Variants in SPMIP2 observed in about 807,000 individuals in gnomAD.
SPMIP2 encodes the protein protein SPMIP2.
the SPMIP2 span, among the ~76,000 whole-genome samples, chr4:158,959,406 C>T: frequency 4.0e-5 from 6 of 150,818 alleles, no homozygotes; most frequent in Admixed American, 1.3e-4. Flanking sequence ...AAATATGGTA[C>T]GTGTTTAATA....
At chr4:159,071,152 G>A in the SPMIP2 span, among the ~76,000 whole-genome samples, 1 of 152,220 alleles carries the variant, frequency 6.6e-6, no homozygotes, top group Non-Finnish European at 1.5e-5. Flanking sequence ...AAAATTATTA[G>A]TGGCTGCTAA....
chr4:159,054,964 TC>T, the SPMIP2 span, among the ~76,000 whole-genome samples: 1 of 152,032 alleles, frequency 6.6e-6, no homozygotes, highest in South Asian at 2.1e-4. Flanking sequence ...TTTAACTTAT[TC>T]CCCCCATCTG....
At chr4:158,957,217 C>G in the SPMIP2 span, among the ~76,000 whole-genome samples, 1 of 152,146 alleles carries the variant, frequency 6.6e-6, no homozygotes, top group African/African-American at 2.4e-5. Context: ...TATTTTAAAT[C>G]TTCTAATGAA....
chr4:158,902,637 A>C, the SPMIP2 span, among the ~76,000 whole-genome samples: 1 of 152,134 alleles, frequency 6.6e-6, no homozygotes, highest in Admixed American at 6.5e-5. Context: ...TTTTATCTAT[A>C]AACCCCTAAC....
chr4:159,074,708 G>A, the SPMIP2 span, among the ~76,000 whole-genome samples: 1 of 152,156 alleles, frequency 6.6e-6, no homozygotes, highest in Non-Finnish European at 1.5e-5. Flanking sequence ...AACAGAAGCA[G>A]GAGGTTGACC....
the SPMIP2 span, among the ~76,000 whole-genome samples, chr4:158,933,283 G>A: frequency 1.3e-5 from 2 of 152,126 alleles, no homozygotes; most frequent in Non-Finnish European, 2.9e-5. Flanking sequence ...ATGTGAAAAC[G>A]TGCCTCCAGT....
chr4:158,902,548 G>A, the SPMIP2 span, among the ~76,000 whole-genome samples: 1 of 151,898 alleles, frequency 6.6e-6, no homozygotes, highest in South Asian at 2.1e-4. Context: ...AGAGTTATCA[G>A]GCAGGGATGT....
At chr4:159,054,298 T>A in the SPMIP2 span, among the ~76,000 whole-genome samples, 1 of 152,152 alleles carries the variant, frequency 6.6e-6, no homozygotes, top group Non-Finnish European at 1.5e-5. Context: ...CCCAGACTAT[T>A]TCAGCAATTT....
At chr4:159,042,791 T>C in the SPMIP2 span, among the ~76,000 whole-genome samples, 2 of 152,048 alleles carry the variant, frequency 1.3e-5, no homozygotes, top group African/African-American at 4.8e-5. Flanking sequence ...GCCTCCCGAG[T>C]AGCTGGGACT....
At chr4:158,993,482 T>A in the SPMIP2 span, among the ~76,000 whole-genome samples, 3 of 152,256 alleles carry the variant, frequency 2.0e-5, no homozygotes, top group African/African-American at 4.8e-5. Context: ...TCTGTGCAGT[T>A]TTTTTTTAAA....
At chr4:159,007,131 G>A in the SPMIP2 span, 20 of 667,662 alleles carry the variant, frequency 3.0e-5, no homozygotes, top group Admixed American at 1.1e-4. Flanking sequence ...TGGCCAAGCC[G>A]TGTGGGGTGC....
At chr4:159,078,575 G>A in the SPMIP2 span, among the ~76,000 whole-genome samples, 1 of 152,330 alleles carries the variant, frequency 6.6e-6, no homozygotes, top group East Asian at 1.9e-4. Flanking sequence ...AAATTTGAGA[G>A]AACCTTCCAA....
the SPMIP2 span, among the ~76,000 whole-genome samples, chr4:159,048,793 T>A: frequency 6.7e-6 from 1 of 148,880 alleles, no homozygotes; most frequent in African/African-American, 2.5e-5. Flanking sequence ...GGACTCTAAC[T>A]TCTAGGCTCA....
chr4:159,004,395 A>G, the SPMIP2 span, among the ~76,000 whole-genome samples: 98,676 of 149,016 alleles, frequency 0.66, 32,742 homozygotes, highest in Middle Eastern at 0.72. Context: ...GGTTCAAGCA[A>G]TTCTCCTGTG....
At chr4:159,055,678 C>T in the SPMIP2 span, among the ~76,000 whole-genome samples, 27 of 152,068 alleles carry the variant, frequency 1.8e-4, no homozygotes, top group African/African-American at 6.5e-4. Flanking sequence ...CCACTGCACT[C>T]CAGCCTGGGT....
chr4:159,013,924 G>A, the SPMIP2 span, among the ~76,000 whole-genome samples: 1 of 151,688 alleles, frequency 6.6e-6, no homozygotes, highest in African/African-American at 2.4e-5. Flanking sequence ...GTAGAGTAGT[G>A]GTTGCCAGAG....
chr4:159,017,160 ATT>A, the SPMIP2 span, among the ~76,000 whole-genome samples: 4 of 152,170 alleles, frequency 2.6e-5, no homozygotes, highest in African/African-American at 9.7e-5. Flanking sequence ...AACATACCCT[ATT>A]CCAGGCAAAG....
the SPMIP2 span, among the ~76,000 whole-genome samples, chr4:158,963,638 C>G: frequency 6.6e-6 from 1 of 152,190 alleles, no homozygotes; most frequent in African/African-American, 2.4e-5. Context: ...CTGGTATACA[C>G]GTGTTCTCAG....
At chr4:158,984,958 C>T in the SPMIP2 span, among the ~76,000 whole-genome samples, 3 of 152,048 alleles carry the variant, frequency 2.0e-5, no homozygotes, top group African/African-American at 4.8e-5. Flanking sequence ...GATATCACCA[C>T]CGATCCCATA....
Sources: allele counts gnomAD v4.1 joint callset (sites outside exome capture counted in the v4.1 genomes callset), GRCh38; gene constraint gnomAD v4.1.1; transcripts MANE v1.5; gene names NCBI Gene and HGNC (gene_info 2026-07-23, HGNC 2026-07-21).